Variants in DENND5A observed in about 807,000 individuals in gnomAD.
DENND5A encodes the protein DENN domain-containing protein 5A.
A neutral mutation model predicts 140.3 loss-of-function variants in DENND5A; 64 were observed. The ratio of observed to expected loss-of-function variants is 0.46; its 90% confidence interval spans 0.37 to 0.56. The LOEUF is 0.56. Among genes scored for constraint, DENND5A ranks in the 20% least tolerant of loss-of-function variants. The pLI, the probability that DENND5A is intolerant of heterozygous loss-of-function variation, is 0.00. For synonymous variants in DENND5A, 605 were observed against 607.7 expected (o/e 1.00, Z 0.07); for missense variants, 1,292 against 1,593.8 (o/e 0.81, Z 3.22).
At chr11:9,152,230 T>C in intron 13 of DENND5A, 128 bp downstream of exon 13, 1 of 754,386 alleles carries the variant, frequency 1.3e-6, no homozygotes, top group Non-Finnish European at 2.4e-6. Context: ...TGGCTCCATA[T>C]TTAAAAGAGA....
At chr11:9,175,017 G>A (rs183329844) in intron 8 of DENND5A, among the ~76,000 whole-genome samples, 105 of 152,102 alleles carry the variant, frequency 6.9e-4, no homozygotes, top group African/African-American at 2.3e-3. Context: ...AGGTATCCAG[G>A]GTGGTGGAAA....
intron 11 of DENND5A, among the ~76,000 whole-genome samples, chr11:9,164,056 G>GTTTTTTTTTTTTTTTTTTT (rs768604681): frequency 3.5e-5 from 2 of 57,958 alleles, no homozygotes; most frequent in African/African-American, 6.4e-5. Flanking sequence ...TATTAATCAG[G>GTTTTTTTTTTTTTTTTTTT]TTTTTTTTTT....
intron 12 of DENND5A, among the ~76,000 whole-genome samples, chr11:9,154,971 G>A (rs1049869777): frequency 2.0e-5 from 3 of 151,998 alleles, no homozygotes; most frequent in Non-Finnish European, 4.4e-5. Flanking sequence ...CCAACAGGAG[G>A]AAACCCCATC....
rs796625136 is a variant in DENND5A at position 9,144,669 on chromosome 11, A to G, written c.3122+326T>C. Among the ~76,000 whole-genome samples the G allele has an allele frequency of 3.1e-4, 47 of 152,098 alleles. 1 individual carries two copies. Among genetic ancestry groups the G allele is most frequent in the African/African-American group, 1.1e-3 (47 of 41,508 alleles). Reference sequence around the variant, plus strand: ...CTGGGCGTGGTGGTGCATGCCTATCATCCCAGCTACTCGGGGAGCTGAGGC... The same window carrying G: ...CTGGGCGTGGTGGTGCATGCCTATCGTCCCAGCTACTCGGGGAGCTGAGGC... On this transcript the variant is annotated intron_variant, in intron 18 of 22. Transcript: ENST00000328194.
At chr11:9,161,217 G>A (rs1217365184) in intron 11 of DENND5A, among the ~76,000 whole-genome samples, 3 of 152,052 alleles carry the variant, frequency 2.0e-5, no homozygotes, top group African/African-American at 4.8e-5. Flanking sequence ...GTGTGGTGGC[G>A]GGCGCCTGTG....
chr11:9,157,190 C>T (rs918764133), intron 12 of DENND5A, among the ~76,000 whole-genome samples: 5 of 152,108 alleles, frequency 3.3e-5, no homozygotes, highest in African/African-American at 9.6e-5. Flanking sequence ...ATTCTACTCA[C>T]TTATTATAGA....
chr11:9,262,608 G>C (rs1456327697), intron 1 of DENND5A, among the ~76,000 whole-genome samples: 1 of 151,892 alleles, frequency 6.6e-6, no homozygotes. Context: ...CCAATACCCT[G>C]AACCGAATTC....
At chr11:9,173,373 C>G (rs1305752836) in intron 8 of DENND5A, among the ~76,000 whole-genome samples, 1 of 152,146 alleles carries the variant, frequency 6.6e-6, no homozygotes, top group Non-Finnish European at 1.5e-5. Context: ...AGATTTTGTA[C>G]TTATTATTCA....
chr11:9,172,747 G>A (rs1191746921), intron 8 of DENND5A, among the ~76,000 whole-genome samples: 1 of 152,094 alleles, frequency 6.6e-6, no homozygotes, highest in Non-Finnish European at 1.5e-5. Context: ...CCCAGTCTTG[G>A]GTATTTCTTC....
chr11:9,219,443 T>C (rs1416356063), intron 1 of DENND5A, among the ~76,000 whole-genome samples: 2 of 152,186 alleles, frequency 1.3e-5, no homozygotes, highest in Admixed American at 6.5e-5. Flanking sequence ...GTTAGAATTA[T>C]ATACTCAGCC....
At chr11:9,263,557 A>G (rs1267015838) in intron 1 of DENND5A, among the ~76,000 whole-genome samples, 1 of 145,700 alleles carries the variant, frequency 6.9e-6, no homozygotes, top group East Asian at 2.1e-4. Context: ...CATAAGAAAC[A>G]CTGGGCCGGG....
chr11:9,199,775 C>T (rs756351101), intron 4 of DENND5A, among the ~76,000 whole-genome samples: 42 of 152,168 alleles, frequency 2.8e-4, no homozygotes, highest in Non-Finnish European at 5.9e-5. Flanking sequence ...GTGGTGATAG[C>T]TTGTTTTTGG....
At chr11:9,209,184 T>C (rs1415591301) in intron 1 of DENND5A, among the ~76,000 whole-genome samples, 1 of 152,158 alleles carries the variant, frequency 6.6e-6, no homozygotes, top group Non-Finnish European at 1.5e-5. Flanking sequence ...AGGACAACTA[T>C]CACCGTTCTC....
chr11:9,142,854 G>A lies in DENND5A; in HGVS notation c.3388-9C>T. ...AGCGTCAGACTGCCTCGCTACGTAA[G>A]GAAACAGGGGAGGGTGCCAGGCTTG... On this transcript the variant is annotated splice_polypyrimidine_tract_variant and intron_variant, in intron 20 of 22. Transcript: ENST00000328194. 6.2e-6 allele frequency: 10 copies of A among 1,613,750 alleles called. No individual in the cohort carries two copies. The highest frequency in any genetic ancestry group is 8.5e-6 in the Non-Finnish European group (10 of 1,179,798).
chr11:9,173,711 C>T (rs1009666949), intron 8 of DENND5A, among the ~76,000 whole-genome samples: 2 of 152,144 alleles, frequency 1.3e-5, no homozygotes, highest in East Asian at 3.8e-4. Flanking sequence ...TAAAAGTAGA[C>T]TGTGATAAGT....
intron 1 of DENND5A, among the ~76,000 whole-genome samples, chr11:9,263,296 C>G (rs1175949527): frequency 6.6e-6 from 1 of 151,736 alleles, no homozygotes; most frequent in African/African-American, 2.4e-5. Context: ...TCTCAGCTCA[C>G]TGCAACCTCC....
intron 1 of DENND5A, among the ~76,000 whole-genome samples, chr11:9,255,460 G>A (rs780992672): frequency 2.0e-5 from 3 of 152,158 alleles, no homozygotes; most frequent in Non-Finnish European, 4.4e-5. Flanking sequence ...AGCCAGGTGC[G>A]GTGGCTCTTA....
chr11:9,201,234 G>T (rs1331070807), intron 4 of DENND5A, among the ~76,000 whole-genome samples: 1 of 151,720 alleles, frequency 6.6e-6, no homozygotes, highest in Non-Finnish European at 1.5e-5. Context: ...AATTAGCCAG[G>T]CATGGTGGTG....
chr11:9,232,398 ATCAC>A (rs1017467992), intron 1 of DENND5A, among the ~76,000 whole-genome samples: 20 of 152,146 alleles, frequency 1.3e-4, no homozygotes, highest in Non-Finnish European at 4.4e-5. Flanking sequence ...AGAAAAAAAG[ATCAC>A]TCAAAGAAAA....
Sources: gnomAD v4.1 joint callset for allele counts (sites outside exome capture counted in the v4.1 genomes callset) on GRCh38, gnomAD v4.1.1 for gene constraint, MANE v1.5 for transcripts, NCBI Gene and HGNC (gene_info 2026-07-23, HGNC 2026-07-21) for gene names.